FREM2: variants seen among roughly 807,000 people sequenced by gnomAD.
The protein encoded by FREM2 is FRAS1-related extracellular matrix protein 2.
In FREM2, 119 loss-of-function variants were observed where a neutral mutation model predicts 219.9. The ratio of observed to expected loss-of-function variants is 0.54; its 90% CI spans 0.47 to 0.63. The LOEUF (loss-of-function observed/expected upper bound fraction) is 0.63. Ranked by LOEUF, FREM2 falls within the 30% of genes least tolerant of loss-of-function variation. FREM2 has a pLI of 0.00. For synonymous variants in FREM2, 1,562 were observed against 1,522.8 expected (o/e 1.03, Z -0.60); for missense variants, 4,030 against 3,993.6 (o/e 1.01, Z -0.25).
intron 6 of FREM2, among the ~76,000 whole-genome samples, chr13:38,817,144 C>T (rs1011208835): frequency 6.6e-5 from 10 of 152,126 alleles, no homozygotes; most frequent in African/African-American, 2.2e-4. Context: ...CTACTCAAAG[C>T]GATGTACAGA....
intron 6 of FREM2, among the ~76,000 whole-genome samples, chr13:38,828,742 A>T (rs1451862839): frequency 6.6e-6 from 1 of 152,010 alleles, no homozygotes; most frequent in Non-Finnish European, 1.5e-5. Flanking sequence ...ATTTAAAAAA[A>T]ATTTTAAGAG....
intron 2 of FREM2, among the ~76,000 whole-genome samples, chr13:38,756,524 CTTTTTT>C (rs1187227144): frequency 1.9e-5 from 2 of 103,522 alleles, no homozygotes; most frequent in Non-Finnish European, 3.9e-5. Flanking sequence ...GGTTGGGGAC[CTTTTTT>C]TTTTTTTTTT....
intron 6 of FREM2, among the ~76,000 whole-genome samples, chr13:38,787,814 G>A (rs1039116699): frequency 1.3e-5 from 2 of 148,966 alleles, no homozygotes; most frequent in Non-Finnish European, 3.0e-5. Context: ...AACGAATATT[G>A]CAATTATTTT....
rs1566101097 is a variant in FREM2, at chr13:38,687,148, C to A, written c.-197C>A. On this transcript the variant is annotated 5_prime_UTR_variant, in exon 1 of 24. Coordinates refer to ENST00000280481, the MANE Select transcript of FREM2 (RefSeq NM_207361.6). ...GGAGCTGGACGGCCTGGGAAGGCTTCGGCTCCTCGGCTGCGGCTCCAGCCC... is the reference window on the plus strand; with the variant it reads ...GGAGCTGGACGGCCTGGGAAGGCTTAGGCTCCTCGGCTGCGGCTCCAGCCC... The A allele has an allele frequency of 1.4e-5, 10 of 689,658 alleles. No individual in the cohort carries two copies. Among genetic ancestry groups the A allele is most frequent in the Middle Eastern group, 4.0e-4 (1 of 2,474 alleles). The allele number at this position is 689,658 out of a possible 1,614,324, so 42.7% of individuals were successfully genotyped here. A position where few individuals can be genotyped will look rare whatever the true frequency, so the allele number is the denominator to read the frequency against.
intron 2 of FREM2, among the ~76,000 whole-genome samples, chr13:38,704,865 G>A (rs1358239004): frequency 1.3e-5 from 2 of 152,142 alleles, no homozygotes; most frequent in African/African-American, 4.8e-5. Flanking sequence ...AGGAGAGAGT[G>A]AGTGAAGGGA....
chr13:38,699,795 C>T (rs1235004535), intron 2 of FREM2, among the ~76,000 whole-genome samples: 2 of 152,058 alleles, frequency 1.3e-5, no homozygotes, highest in African/African-American at 4.8e-5. Flanking sequence ...TAACCTGATT[C>T]TTAAATTTTT....
chr13:38,700,406 CAG>C (rs1230092210), intron 2 of FREM2, among the ~76,000 whole-genome samples: 4 of 152,064 alleles, frequency 2.6e-5, no homozygotes, highest in Non-Finnish European at 5.9e-5. Context: ...ATCTGAGCAA[CAG>C]ATAACATCAG....
At position 38,877,600 on chromosome 13, in the gene FREM2, T is replaced by C. The variant is rs17058722; in HGVS notation, c.8671+357T>C. 7.9e-3 allele frequency among the ~76,000 whole-genome samples: 1,197 copies of C among 152,210 alleles called. 17 individuals carry two copies. The highest frequency in any genetic ancestry group is 0.028 in the African/African-American group (1,146 of 41,512). ...AGATTGTGCCTGCCTTACTCAATGG[T>C]GTATATTCAGCACCCAGCACACATA... is the stretch of plus-strand genomic sequence containing the variant. On this transcript the variant is annotated intron_variant, in intron 21 of 23. Coordinates refer to ENST00000280481, the MANE Select transcript of FREM2 (RefSeq NM_207361.6).
At position 38,886,920 on chromosome 13, in the gene FREM2, T is replaced by A. The variant is rs964419214; in HGVS notation, c.*6133T>A. ...GAGAATTTTTCAAAAACTATCAGGG[T>A]CTAGTTTTATCATACATTTACTAAG... On this transcript the variant is annotated 3_prime_UTR_variant, in exon 24 of 24. Transcript: ENST00000280481. 1 of 152,158 alleles carries A rather than the reference T, an allele frequency of 6.6e-6. No individual in the cohort carries two copies. The highest frequency in any genetic ancestry group is 1.5e-5 in the Non-Finnish European group (1 of 68,040). The allele number at this position is 152,158 out of a possible 1,614,324, so 9.4% of individuals were successfully genotyped here.
rs765718616 is a variant in FREM2 at position 38,687,382 on chromosome 13, G to A, written c.38G>A (p.Arg13Gln). The change falls in exon 1 of 24, where the codon CGG (arginine) becomes CAG (glutamine). Residue 13 changes from arginine (R) to glutamine (Q), a missense_variant. By Grantham distance (43) the Arg-to-Gln change is conservative (BLOSUM62 1). Coordinates refer to ENST00000280481, the MANE Select transcript of FREM2 (RefSeq NM_207361.6). ...SAGTPGLSSR[R>Q]TGNSTSFQPG... is the part of the protein sequence containing the mutation. ...GGGACTCCCGGGTTATCCTCGCGCC[G>A]GACAGGCAACTCCACCAGCTTTCAA... The A allele has an allele frequency of 8.6e-5, 138 of 1,608,518 alleles. 3 individuals are homozygous for A. The highest frequency in any genetic ancestry group is 4.9e-4 in the South Asian group (44 of 90,188).
At chr13:38,718,468 A>G (rs925961074) in intron 2 of FREM2, among the ~76,000 whole-genome samples, 1 of 152,134 alleles carries the variant, frequency 6.6e-6, no homozygotes, top group Non-Finnish European at 1.5e-5. Context: ...CCCTTTTATT[A>G]TTAATGGAAA....
intron 6 of FREM2, among the ~76,000 whole-genome samples, chr13:38,838,028 T>C (rs1876790403): frequency 6.6e-6 from 1 of 152,156 alleles, no homozygotes; most frequent in East Asian, 1.9e-4. Flanking sequence ...ATTTTGCCTA[T>C]TAGTTGATGC....
intron 2 of FREM2, among the ~76,000 whole-genome samples, chr13:38,738,735 A>G (rs536528191): frequency 2.0e-5 from 3 of 152,100 alleles, no homozygotes; most frequent in Non-Finnish European, 4.4e-5. Context: ...GATGCAGAGT[A>G]TGAGACCAGC....
chr13:38,839,901 G>T (rs1267209574), intron 6 of FREM2, among the ~76,000 whole-genome samples: 2 of 152,170 alleles, frequency 1.3e-5, no homozygotes, highest in Non-Finnish European at 2.9e-5. Flanking sequence ...CTCCATGGGG[G>T]TGGGATCCAC....
chr13:38,843,728 T>C (rs1877045694), intron 6 of FREM2, among the ~76,000 whole-genome samples: 1 of 152,330 alleles, frequency 6.6e-6, no homozygotes, highest in African/African-American at 2.4e-5. Flanking sequence ...GTAATGATTA[T>C]AAACAATATT....
intron 6 of FREM2, among the ~76,000 whole-genome samples, chr13:38,825,052 A>G (rs1593430263): frequency 6.6e-6 from 1 of 152,098 alleles, no homozygotes; most frequent in East Asian, 1.9e-4. Flanking sequence ...TTTTTCGAAG[A>G]TGGTTTCAAT....
chr13:38,757,320 C>T (rs922929964), intron 2 of FREM2, among the ~76,000 whole-genome samples: 3 of 152,172 alleles, frequency 2.0e-5, no homozygotes, highest in Admixed American at 2.0e-4. Flanking sequence ...TATTTGTCAG[C>T]ACCCATCTCC....
At chr13:38,728,188 CT>C (rs368076732) in intron 2 of FREM2, among the ~76,000 whole-genome samples, 20 of 149,296 alleles carry the variant, frequency 1.3e-4, no homozygotes, top group African/African-American at 3.7e-4. Context: ...ATTTTGTATT[CT>C]TTTTTTTTTC....
intron 2 of FREM2, among the ~76,000 whole-genome samples, chr13:38,706,181 A>G (rs1870531723): frequency 6.6e-6 from 1 of 152,190 alleles, no homozygotes; most frequent in Admixed American, 6.5e-5. Flanking sequence ...GAAGATTAAT[A>G]CCGTATCTTG....
Sources: gnomAD v4.1 joint callset for allele counts (sites outside exome capture counted in the v4.1 genomes callset) on GRCh38, gnomAD v4.1.1 for gene constraint, MANE v1.5 for transcripts, NCBI Gene and HGNC (gene_info 2026-07-23, HGNC 2026-07-21) for gene names.